The following MYH7B variants were observed in gnomAD, a reference collection of about 807,000 sequenced individuals.
MYH7B encodes the protein myosin heavy chain 7B, also known as myosin-7B.
MYH7B carries 205 observed loss-of-function variants against 234.5 expected under a neutral mutation model. The observed-to-expected ratio is 0.87, with a 90% CI of 0.78 to 0.98. The LOEUF is 0.98. MYH7B is among the 50% of genes least tolerant of loss of function. The pLI, the probability that MYH7B is intolerant of heterozygous loss-of-function variation, is 0.00. For synonymous variants in MYH7B, 1,193 were observed against 1,105.0 expected (o/e 1.08, Z -1.58); for missense variants, 2,652 against 2,633.4 (o/e 1.01, Z -0.15).
chr20:34,983,587 A>G (rs558696955), intron 10 of MYH7B, among the ~76,000 whole-genome samples: 51 of 152,008 alleles, frequency 3.4e-4, no homozygotes, highest in Admixed American at 1.1e-3. Flanking sequence ...GGGACAGTGG[A>G]GCCCAGGGGA....
chr20:34,971,745 A>G (rs1284461016), intron 2 of MYH7B, among the ~76,000 whole-genome samples: 1 of 152,248 alleles, frequency 6.6e-6, no homozygotes, highest in Non-Finnish European at 1.5e-5. Context: ...TTAGGAACAC[A>G]TAAATCTGAC....
chr20:34,970,557 G>A (rs905433252), intron 2 of MYH7B, among the ~76,000 whole-genome samples: 1 of 151,586 alleles, frequency 6.6e-6, no homozygotes, highest in Admixed American at 6.5e-5. Context: ...CAGGGTGGGT[G>A]GGGGGTGACT....
At chr20:34,985,681 A>C (rs1047138469) in intron 13 of MYH7B, among the ~76,000 whole-genome samples, 17 of 152,176 alleles carry the variant, frequency 1.1e-4, no homozygotes, top group Non-Finnish European at 2.2e-4. Flanking sequence ...ATTGGGCTGC[A>C]TGGCTAGGTC....
exon 19 of MYH7B, chr20:34,988,193 G>C (rs771725056): frequency 3.7e-6 from 6 of 1,614,164 alleles, no homozygotes; most frequent in Non-Finnish European, 4.2e-6. Context: ...AGTACAAGCG[G>C]GAGGGCATCG....
intron 35 of MYH7B, 54 bp from the exon 36 acceptor site, chr20:34,999,002 G>C: frequency 6.3e-7 from 1 of 1,581,970 alleles, no homozygotes; most frequent in Non-Finnish European, 8.6e-7. Flanking sequence ...GGGAGCTGCT[G>C]GGGCTGTTCT....
chr20:34,982,948 T>C (rs2147182058), intron 10 of MYH7B, among the ~76,000 whole-genome samples: 1 of 152,362 alleles, frequency 6.6e-6, no homozygotes, highest in Admixed American at 6.5e-5. Flanking sequence ...AGAGGTTGGC[T>C]GGCATGCAGG....
At chr20:34,968,633 T>C (rs1336862485) in intron 2 of MYH7B, among the ~76,000 whole-genome samples, 2 of 152,188 alleles carry the variant, frequency 1.3e-5, no homozygotes, top group Admixed American at 1.3e-4. Context: ...CTTAGCATAG[T>C]TTGGAGCCTG....
intron 22 of MYH7B, 28 bp downstream of exon 22, chr20:34,990,338 T>G (rs1569048593): frequency 6.2e-7 from 1 of 1,613,416 alleles, no homozygotes; most frequent in East Asian, 2.2e-5. Context: ...AGACAGACCC[T>G]CCCTCTTGGC....
chr20:34,996,672 C>T (rs1204532931), exon 30 of MYH7B: 4 of 1,613,458 alleles, frequency 2.5e-6, no homozygotes, highest in Non-Finnish European at 3.4e-6. Context: ...GGGCCAAGCG[C>T]AAGCTGGAGG....
chr20:34,995,638 GT>G, intron 28 of MYH7B, 60 bp downstream of exon 28: 1 of 1,597,330 alleles, frequency 6.3e-7, no homozygotes, highest in Non-Finnish European at 8.5e-7. Context: ...TTGGGGCCAG[GT>G]GGCTGCAGGT....
chr20:35,001,877 G>C, intron 43 of MYH7B, 71 bp from the exon 44 acceptor site: 1 of 1,556,052 alleles, frequency 6.4e-7, no homozygotes, highest in Non-Finnish European at 8.7e-7. Flanking sequence ...CTCCCTTCTT[G>C]GACTGGGGCA....
In MYH7B at chr20:34,998,315, C is replaced by A; in HGVS notation, c.3768C>A (p.Cys1256Ter). 1 of 1,613,942 alleles carries A rather than the reference C, an allele frequency of 6.2e-7. No homozygotes were observed. The highest frequency in any genetic ancestry group is 8.5e-7 in the Non-Finnish European group (1 of 1,180,000). The change falls in exon 33 of 45, where the codon TGC becomes TGA. Residue 1256 changes from cysteine (C) to a stop codon, truncating the protein, a stop_gained. Coordinates refer to ENST00000262873, the Ensembl canonical transcript of MYH7B. LOFTEE classifies it high-confidence loss of function. The stretch of plus-strand genomic sequence containing the variant: ...CCTAGGCCAGTGCAGAGAAGCTGTG[C>A]CGGACCTATGAGGATCAGCTAAGCG...
At chr20:34,982,632 T>C (rs2147181317) in intron 10 of MYH7B, 77 bp downstream of exon 10, 2 of 1,297,802 alleles carry the variant, frequency 1.5e-6, no homozygotes, top group South Asian at 3.0e-5. Context: ...CTTTTTTTTT[T>C]TTCCCCCTTT....
At chr20:34,985,927 G>A (rs904364842) in intron 13 of MYH7B, among the ~76,000 whole-genome samples, 173 bp from the exon 14 acceptor site, 4 of 152,120 alleles carry the variant, frequency 2.6e-5, no homozygotes, top group African/African-American at 7.2e-5. Context: ...ACAGACACAC[G>A]GCTCGTGTGA....
Position 34,987,816 on chromosome 20 carries a change from AG to A in MYH7B, c.1320del (p.Arg440SerfsTer166). On this transcript the variant is annotated frameshift_variant, in exon 18 of 45. Transcript: ENST00000262873. LOFTEE classifies it high-confidence loss of function. ...CAAGGCCACCTATGACCGGCTGTTC[AG>A]GTGGCTGGTGTCTCGGATCAACCAG... The A allele has an allele frequency of 6.2e-7, 1 of 1,614,100 alleles. No individual in the cohort carries two copies. Among genetic ancestry groups the A allele is most frequent in the Non-Finnish European group, 8.5e-7 (1 of 1,179,970 alleles).
intron 7 of MYH7B, chr20:34,980,033 AGCTGTAGCAGT>A: frequency 1.8e-6 from 1 of 570,628 alleles, no homozygotes; most frequent in Non-Finnish European, 3.1e-6. Flanking sequence ...TTAGGGGAGC[AGCTGTAGCAGT>A]GCGGGGCGGG....
Position 34,999,110 on chromosome 20 carries a change from C to T in MYH7B, c.4245C>T (p.Asn1415=), listed in dbSNP as rs763458073. Residue 1415 remains asparagine, a synonymous_variant, in exon 36 of 45, where the codon AAC becomes AAT. Transcript: ENST00000262873. ...CAGAGGAGGGCGTGGAGGCTGCCAA[C>T]GCCAAGTGCTCATCGTTGGAGAAGG... The T allele has an allele frequency of 3.2e-5, 51 of 1,613,246 alleles. No homozygotes were observed. The East Asian group carries it at 6.9e-4, about 22-fold the overall frequency.
At chr20:34,983,622 G>A (rs1322046621) in intron 10 of MYH7B, among the ~76,000 whole-genome samples, 1 of 152,100 alleles carries the variant, frequency 6.6e-6, no homozygotes, top group Non-Finnish European at 1.5e-5. Context: ...GGAGGGGTGG[G>A]AGAGGCTGCC....
chr20:34,977,561 C>G, intron 3 of MYH7B, 71 bp from the exon 4 acceptor site: 1 of 1,471,368 alleles, frequency 6.8e-7, no homozygotes, highest in Non-Finnish European at 9.3e-7. Flanking sequence ...CTTTTGTGTC[C>G]TGTGGCCAGG....
Sources: allele counts gnomAD v4.1 joint callset (sites outside exome capture counted in the v4.1 genomes callset), GRCh38; gene constraint gnomAD v4.1.1; transcripts MANE v1.5; gene names NCBI Gene and HGNC (gene_info 2026-07-23, HGNC 2026-07-21).